CNKSR3: variants seen among roughly 807,000 people sequenced by gnomAD.
CNKSR3 encodes the protein connector enhancer of kinase suppressor of ras 3.
Under a neutral mutation model 67.7 loss-of-function variants are expected in CNKSR3, and 36 were observed. The ratio of observed to expected loss-of-function variants is 0.53; its 90% CI spans 0.41 to 0.70. The LOEUF (loss-of-function observed/expected upper bound fraction) is 0.70. Among genes scored for constraint, CNKSR3 ranks in the 30% least tolerant of loss-of-function variants. The pLI, the probability that CNKSR3 is intolerant of heterozygous loss-of-function variation, is 0.00. For synonymous variants in CNKSR3, 281 were observed against 271.4 expected (o/e 1.04, Z -0.35); for missense variants, 630 against 695.2 (o/e 0.91, Z 1.05).
rs1784654668 is a variant in CNKSR3 at position 154,395,728 on chromosome 6, T to C, written c.*10626A>G. 6.6e-6 allele frequency: 1 copy of C among 152,260 alleles called. No individual in the cohort carries two copies. Among genetic ancestry groups the C allele is most frequent in the South Asian group, 2.1e-4 (1 of 4,832 alleles). The allele number at this position is 152,260 out of a possible 1,614,324, so 9.4% of individuals were successfully genotyped here. ...ATTTCACTATTTAGTCTACAGCCTATATATGCATGTACGTTTTGTTTGTTT... is the reference window on the plus strand; with the variant it reads ...ATTTCACTATTTAGTCTACAGCCTACATATGCATGTACGTTTTGTTTGTTT... On this transcript the variant is annotated 3_prime_UTR_variant, in exon 13 of 13. Transcript: ENST00000607772.
At chr6:154,427,965 C>A (rs1411403670) in intron 7 of CNKSR3, among the ~76,000 whole-genome samples, 163 bp downstream of exon 7, 1 of 152,190 alleles carries the variant, frequency 6.6e-6, no homozygotes, top group Non-Finnish European at 1.5e-5. Context: ...TTGACAACAG[C>A]TGGTGACAAG....
rs1006279839 is a variant in CNKSR3 at position 154,486,359 on chromosome 6, G to A, written c.52+23704C>T. 2.7e-5 allele frequency among the ~76,000 whole-genome samples: 4 copies of A among 150,682 alleles called. 1 individual carries two copies. The highest frequency in any genetic ancestry group is 2.6e-4 in the Admixed American group (4 of 15,164). ...CTCCCAGGCCAGAGTGCAGTCGTGC[G>A]ATCTCGGCTCATGGCAGCCTCCGCC... is the stretch of plus-strand genomic sequence containing the variant. On this transcript the variant is annotated intron_variant, in intron 1 of 12. Transcript: ENST00000607772.
At chr6:154,467,101 C>G (rs1441887410) in intron 1 of CNKSR3, among the ~76,000 whole-genome samples, 3 of 152,092 alleles carry the variant, frequency 2.0e-5, no homozygotes, top group Non-Finnish European at 4.4e-5. Context: ...AAATGGCCTC[C>G]ACAGCCATTC....
In CNKSR3 at chr6:154,400,070, T is replaced by G. The variant is rs1784700305; in HGVS notation, c.*6284A>C. 6.6e-6 allele frequency: 1 copy of G among 152,222 alleles called. No individual in the cohort carries two copies. The highest frequency in any genetic ancestry group is 6.5e-5 in the Admixed American group (1 of 15,286). 9.4% of individuals were successfully genotyped at this position (152,222 alleles called of 1,614,324 possible). A position where few individuals can be genotyped will look rare whatever the true frequency, so the allele number is the denominator to read the frequency against. On this transcript the variant is annotated 3_prime_UTR_variant, in exon 13 of 13. Transcript: ENST00000607772. ...GTGAGGAGTAATTACTCTACTGCCC[T>G]TTTAAATACCTTTGAGGTTTATTTC...
Position 154,449,982 on chromosome 6 carries a change from T to C in CNKSR3, c.216+113A>G, listed in dbSNP as rs150195671. On this transcript the variant is annotated intron_variant, in intron 2 of 12. Coordinates refer to ENST00000607772, the MANE Select transcript of CNKSR3 (RefSeq NM_173515.4). ...TAGTATCTTCAGCTCATGTTTTATT[T>C]TGATGGAGCATTAAGGAAAGAGTGA... is the stretch of plus-strand genomic sequence containing the variant. 27 of 1,045,798 alleles carry C rather than the reference T, an allele frequency of 2.6e-5. No individual in the cohort carries two copies. The African/African-American group carries it at 4.2e-4, about 16-fold the overall frequency. The allele number at this position is 1,045,798 out of a possible 1,614,324, so 64.8% of individuals were successfully genotyped here.
Position 154,442,586 on chromosome 6 carries a change from C to T in CNKSR3, c.217-296G>A, listed in dbSNP as rs182358053. On this transcript the variant is annotated intron_variant, in intron 2 of 12. Transcript: ENST00000607772. ...GCAGTGAGCCGAGATGGCGCCACTG[C>T]ACTCCAGCCTGGGCAACAGAGGGAG... is the stretch of plus-strand genomic sequence containing the variant. Among the ~76,000 whole-genome samples the T allele has an allele frequency of 7.1e-3, 1,083 of 152,292 alleles. 20 individuals carry two copies. Among genetic ancestry groups the T allele is most frequent in the African/African-American group, 0.024 (990 of 41,556 alleles).
chr6:154,478,520 T>C (rs991516884), intron 1 of CNKSR3: 1 of 152,356 alleles, frequency 6.6e-6, no homozygotes, highest in Non-Finnish European at 1.5e-5. Context: ...GTGGAGTTCC[T>C]TAAAGTCCCG....
chr6:154,429,547 A>G (rs1785322517), intron 6 of CNKSR3, among the ~76,000 whole-genome samples: 1 of 152,130 alleles, frequency 6.6e-6, no homozygotes, highest in Non-Finnish European at 1.5e-5. Context: ...ACTTAATCTG[A>G]TATAATCCAT....
At chr6:154,408,857 G>T (rs1182143026) in intron 12 of CNKSR3, among the ~76,000 whole-genome samples, 1 of 152,092 alleles carries the variant, frequency 6.6e-6, no homozygotes, top group Non-Finnish European at 1.5e-5. Flanking sequence ...AATCATGCAA[G>T]AAAAATATGC....
intron 6 of CNKSR3, 84 bp from the exon 7 acceptor site, chr6:154,428,271 T>A (rs1176346545): frequency 2.4e-6 from 2 of 838,998 alleles, no homozygotes; most frequent in Non-Finnish European, 2.1e-6. Flanking sequence ...TATAAAACAT[T>A]AACAACAGTC....
At chr6:154,433,782 A>G in intron 4 of CNKSR3, 1 of 333,818 alleles carries the variant, frequency 3.0e-6, no homozygotes, top group South Asian at 7.9e-5. Context: ...AACTTACAAA[A>G]ATAACTGAAC....
At chr6:154,471,249 AAT>A (rs1179212858) in intron 1 of CNKSR3, among the ~76,000 whole-genome samples, 1 of 152,168 alleles carries the variant, frequency 6.6e-6, no homozygotes, top group Admixed American at 6.5e-5. Context: ...CACTGCTATA[AAT>A]ATGTGTTGCT....
At chr6:154,484,500 T>C (rs1018212823) in intron 1 of CNKSR3, among the ~76,000 whole-genome samples, 2 of 152,042 alleles carry the variant, frequency 1.3e-5, no homozygotes, top group Non-Finnish European at 2.9e-5. Flanking sequence ...GGTCAGGAGT[T>C]CGAGACCAGC....
chr6:154,482,818 A>T (rs1004139176), intron 1 of CNKSR3, among the ~76,000 whole-genome samples: 1 of 152,254 alleles, frequency 6.6e-6, no homozygotes, highest in Non-Finnish European at 1.5e-5. Context: ...AATGAAATCT[A>T]CAGGCAACGG....
chr6:154,460,389 T>C (rs1280849435), intron 1 of CNKSR3, among the ~76,000 whole-genome samples: 1 of 152,224 alleles, frequency 6.6e-6, no homozygotes, highest in East Asian at 1.9e-4. Context: ...AAGGTGTGTG[T>C]GCGTGCATGT....
At chr6:154,492,444 T>A (rs1384759361) in intron 1 of CNKSR3, among the ~76,000 whole-genome samples, 1 of 152,026 alleles carries the variant, frequency 6.6e-6, no homozygotes, top group East Asian at 1.9e-4. Flanking sequence ...ACCATCTCCC[T>A]CACTTGGTGG....
At chr6:154,406,716 T>C in intron 12 of CNKSR3, 64 bp from the exon 13 acceptor site, 3 of 1,443,990 alleles carry the variant, frequency 2.1e-6, no homozygotes, top group Non-Finnish European at 2.8e-6. Flanking sequence ...ACACCTGTAA[T>C]CTCCGCACTT....
chr6:154,440,417 C>A (rs1448336447), intron 4 of CNKSR3, among the ~76,000 whole-genome samples: 2 of 152,210 alleles, frequency 1.3e-5, no homozygotes, highest in African/African-American at 4.8e-5. Flanking sequence ...TTCATAGCCT[C>A]AATTCAATTC....
intron 4 of CNKSR3, among the ~76,000 whole-genome samples, chr6:154,434,351 T>C (rs1378901883): frequency 2.0e-5 from 3 of 152,200 alleles, no homozygotes; most frequent in Non-Finnish European, 4.4e-5. Flanking sequence ...CTAGATTCTA[T>C]AGAGTTTATT....
Sources: gnomAD v4.1 joint callset for allele counts (sites outside exome capture counted in the v4.1 genomes callset) on GRCh38, gnomAD v4.1.1 for gene constraint, MANE v1.5 for transcripts, NCBI Gene and HGNC (gene_info 2026-07-23, HGNC 2026-07-21) for gene names.